The following ABCB11 variants were observed in gnomAD, a reference collection of about 807,000 sequenced individuals.
ABCB11 encodes the protein bile salt export pump.
ABCB11 carries 95 observed loss-of-function variants against 148.0 expected under a neutral mutation model. That is an observed-to-expected ratio of 0.64 (90% confidence interval 0.54 to 0.76). ABCB11 has a LOEUF of 0.76. Among genes scored for constraint, ABCB11 ranks in the 30% least tolerant of loss-of-function variants. The pLI, the probability that ABCB11 is intolerant of heterozygous loss-of-function variation, is 0.00. For missense variants in ABCB11, 1,523 were observed against 1,617.8 expected (o/e 0.94, Z 1.01); for synonymous variants, 591 against 555.4 (o/e 1.06, Z -0.90).
chr2:168,916,590 G>A (rs895999796), downstream of ABCB11, among the ~76,000 whole-genome samples: 6 of 152,086 alleles, frequency 3.9e-5, no homozygotes, highest in Admixed American at 6.5e-5. Flanking sequence ...TAAATTAATT[G>A]GGCATTTAAT....
intron 1 of ABCB11, among the ~76,000 whole-genome samples, chr2:169,020,858 ATACTT>A (rs750380997): frequency 1.6e-4 from 24 of 152,076 alleles, no homozygotes; most frequent in Non-Finnish European, 2.8e-4. Context: ...AAACCATTGA[ATACTT>A]TACATAGGTG....
chr2:168,955,721 T>C (rs1348297385), intron 19 of ABCB11, among the ~76,000 whole-genome samples: 2 of 151,688 alleles, frequency 1.3e-5, no homozygotes, highest in Admixed American at 6.6e-5. Context: ...TCTTAACTCA[T>C]TTAAGCATTA....
intron 1 of ABCB11, among the ~76,000 whole-genome samples, chr2:169,026,428 C>A (rs576408880): frequency 6.6e-6 from 1 of 152,068 alleles, no homozygotes. Context: ...AGCTTAGAAA[C>A]GGCTGTGATG....
intron 11 of ABCB11, among the ~76,000 whole-genome samples, chr2:168,978,303 A>G (rs1694002536): frequency 6.6e-6 from 1 of 150,614 alleles, no homozygotes; most frequent in South Asian, 2.1e-4. Flanking sequence ...GTGCCACCAC[A>G]CCCGGCTACT....
chr2:169,026,559 T>C (rs893009842), intron 1 of ABCB11, among the ~76,000 whole-genome samples: 7 of 152,226 alleles, frequency 4.6e-5, no homozygotes, highest in Non-Finnish European at 1.0e-4. Flanking sequence ...CTAGAAAGAA[T>C]GAAGGCCTTG....
At chr2:168,964,455 A>G (rs1243714192) in intron 17 of ABCB11, 147 bp from the exon 18 acceptor site, 3 of 670,856 alleles carry the variant, frequency 4.5e-6, no homozygotes, top group African/African-American at 1.8e-5. Flanking sequence ...CTTGCAGGTT[A>G]GGTTTGACAG....
At chr2:168,935,677 C>A (rs374756575) in intron 22 of ABCB11, among the ~76,000 whole-genome samples, 1 of 152,074 alleles carries the variant, frequency 6.6e-6, no homozygotes, top group Non-Finnish European at 1.5e-5. Flanking sequence ...TCATTTACCC[C>A]CCAAGGACAA....
chr2:169,004,888 G>A (rs1317401132), intron 5 of ABCB11, among the ~76,000 whole-genome samples: 5 of 152,050 alleles, frequency 3.3e-5, no homozygotes, highest in East Asian at 1.9e-4. Context: ...TGGGGCTTCC[G>A]GTAAGCTAAA....
Position 168,976,686 on chromosome 2 carries a change from T to G in ABCB11, c.1199A>C (p.Lys400Thr). ...TTCTGACATGCAGTCAATGATGGGT[T>G]TCTGGAGTGAAATACAAAAGGGACA... ...ATSIFETIDR[K>T]PIIDCMSEDG... is the part of the protein sequence containing the mutation. Residue 400 changes from lysine (K) to threonine (T), a missense_variant and splice_region_variant, in exon 12 of 28, where the codon AAA becomes ACA. Transcript: ENST00000650372. The G allele has an allele frequency of 1.9e-6, 3 of 1,600,224 alleles. No homozygotes were observed. The highest frequency in any genetic ancestry group is 1.7e-6 in the Non-Finnish European group (2 of 1,168,024).
intron 18 of ABCB11, among the ~76,000 whole-genome samples, chr2:168,962,741 A>C (rs1210799236): frequency 6.6e-6 from 1 of 151,672 alleles, no homozygotes; most frequent in Non-Finnish European, 1.5e-5. Context: ...TATATAATAC[A>C]TCTTATAGTT....
chr2:169,028,715 A>G (rs1017836848), intron 1 of ABCB11, among the ~76,000 whole-genome samples: 1 of 149,942 alleles, frequency 6.7e-6, no homozygotes, highest in African/African-American at 2.5e-5. Flanking sequence ...TTTATACTTA[A>G]AAAAAGTTAC....
Position 169,018,018 on chromosome 2 carries a change from A to G in ABCB11, c.76+32T>C, listed in dbSNP as rs754131414. 5 of 1,573,374 alleles carry G rather than the reference A, an allele frequency of 3.2e-6. No homozygotes were observed. In the South Asian group the frequency reaches 3.3e-5, roughly 10 times the overall value. ...TACTTTTGTTCTCACCTCTCCTTGTACAAGATGCAGTGAGGGAAAAAAGCC... is the reference window on the plus strand; with the variant it reads ...TACTTTTGTTCTCACCTCTCCTTGTGCAAGATGCAGTGAGGGAAAAAAGCC... On this transcript the variant is annotated intron_variant, in intron 2 of 27. Transcript: ENST00000650372.
intron 8 of ABCB11, among the ~76,000 whole-genome samples, chr2:168,993,445 T>C (rs1694607764): frequency 6.6e-6 from 1 of 152,084 alleles, no homozygotes; most frequent in Non-Finnish European, 1.5e-5. Context: ...ATAATGACTA[T>C]TAAGCTCCTA....
intron 10 of ABCB11, among the ~76,000 whole-genome samples, chr2:168,982,803 G>A (rs7605296): frequency 2.0e-5 from 3 of 152,066 alleles, no homozygotes; most frequent in Non-Finnish European, 4.4e-5. Flanking sequence ...AGAGAGAAGA[G>A]AGAGAGAGAG....
chr2:168,992,790 C>T (rs1258038288), intron 8 of ABCB11, among the ~76,000 whole-genome samples: 1 of 151,998 alleles, frequency 6.6e-6, no homozygotes, highest in Non-Finnish European at 1.5e-5. Context: ...AAACCATTTT[C>T]TATTTTATCT....
At chr2:168,934,557 G>C (rs1691731116) in intron 23 of ABCB11, among the ~76,000 whole-genome samples, 1 of 152,210 alleles carries the variant, frequency 6.6e-6, no homozygotes, top group South Asian at 2.1e-4. Context: ...GGCCCATGCT[G>C]TCTCTGCCTA....
At chr2:168,941,715 A>T (rs900893040) in intron 21 of ABCB11, among the ~76,000 whole-genome samples, 3 of 152,058 alleles carry the variant, frequency 2.0e-5, no homozygotes, top group African/African-American at 7.2e-5. Context: ...GCTACAAATA[A>T]ATCTTTCATG....
chr2:169,018,257 T>G (rs1191129319), intron 1 of ABCB11, 105 bp from the exon 2 acceptor site: 2 of 1,020,360 alleles, frequency 2.0e-6, no homozygotes, highest in East Asian at 5.1e-5. Flanking sequence ...TAATCTTTAC[T>G]AATCAATCTC....
chr2:168,995,863 A>G (rs1161255655), intron 6 of ABCB11, among the ~76,000 whole-genome samples: 1 of 151,830 alleles, frequency 6.6e-6, no homozygotes, highest in African/African-American at 2.4e-5. Context: ...CCTCCCGGAA[A>G]GACCTGCCTA....
Sources: gnomAD v4.1 joint callset for allele counts (sites outside exome capture counted in the v4.1 genomes callset) on GRCh38, gnomAD v4.1.1 for gene constraint, MANE v1.5 for transcripts, NCBI Gene and HGNC (gene_info 2026-07-23, HGNC 2026-07-21) for gene names.